EYS: variants seen among roughly 807,000 people sequenced by gnomAD.
EYS encodes the protein EGF-like photoreceptor maintenance factor, also known as protein eyes shut homolog.
Under a neutral mutation model 282.1 loss-of-function variants are expected in EYS, and 250 were observed. That is an observed-to-expected ratio of 0.89 (90% confidence interval 0.80 to 0.98). The LOEUF is 0.98. Among genes scored for constraint, EYS ranks in the 50% least tolerant of loss-of-function variants. The pLI is 0.00. For synonymous variants in EYS, 1,355 were observed against 1,282.9 expected (o/e 1.06, Z -1.20); for missense variants, 4,016 against 3,709.0 (o/e 1.08, Z -2.15).
chr6:64,559,210 A>T (rs1765323911), intron 26 of EYS, among the ~76,000 whole-genome samples: 1 of 151,758 alleles, frequency 6.6e-6, no homozygotes, highest in African/African-American at 2.4e-5. Flanking sequence ...TAACATTTGT[A>T]ATGACCATAA....
chr6:63,876,058 G>T (rs958668886), intron 35 of EYS, among the ~76,000 whole-genome samples: 2 of 152,092 alleles, frequency 1.3e-5, no homozygotes, highest in African/African-American at 4.8e-5. Flanking sequence ...TTTTAATTGT[G>T]TTGTTAGGGT....
chr6:64,159,124 A>G (rs1775022086), intron 31 of EYS, among the ~76,000 whole-genome samples: 2 of 152,202 alleles, frequency 1.3e-5, no homozygotes, highest in South Asian at 2.1e-4. Context: ...AGTCCCTGAT[A>G]TAAAATGGCA....
At chr6:64,189,378 G>A (rs1453841436) in intron 31 of EYS, among the ~76,000 whole-genome samples, 2 of 152,034 alleles carry the variant, frequency 1.3e-5, no homozygotes, top group African/African-American at 4.8e-5. Flanking sequence ...ATCAAAAGAA[G>A]AATAACGTTT....
At chr6:64,285,434 A>T (rs1008995422) in intron 30 of EYS, among the ~76,000 whole-genome samples, 1 of 152,192 alleles carries the variant, frequency 6.6e-6, no homozygotes, top group African/African-American at 2.4e-5. Context: ...CCTCATCTCC[A>T]TCTGAGACCA....
intron 19 of EYS, among the ~76,000 whole-genome samples, chr6:64,875,639 A>G (rs1309665977): frequency 6.6e-6 from 1 of 152,166 alleles, no homozygotes; most frequent in Non-Finnish European, 1.5e-5. Flanking sequence ...CTGAACAACT[A>G]GGAATAACAA....
intron 31 of EYS, among the ~76,000 whole-genome samples, chr6:64,127,521 T>C (rs1286890912): frequency 1.3e-5 from 2 of 152,196 alleles, no homozygotes; most frequent in African/African-American, 4.8e-5. Context: ...GTTTATATTG[T>C]GTTCAAAATG....
chr6:65,388,022 T>C (rs1765866829), intron 7 of EYS, among the ~76,000 whole-genome samples: 1 of 152,008 alleles, frequency 6.6e-6, no homozygotes, highest in Admixed American at 6.6e-5. Context: ...TGCAATACTA[T>C]TGCATGCTTA....
chr6:64,971,355 G>A (rs1770287374), intron 14 of EYS, among the ~76,000 whole-genome samples: 1 of 151,786 alleles, frequency 6.6e-6, no homozygotes, highest in African/African-American at 2.4e-5. Flanking sequence ...TGAGCATCGG[G>A]ACTTAAGGCG....
chr6:64,077,054 A>G (rs1164661243), intron 32 of EYS, among the ~76,000 whole-genome samples: 1 of 151,976 alleles, frequency 6.6e-6, no homozygotes, highest in East Asian at 1.9e-4. Context: ...CATAAAAAAG[A>G]TGAAATACAA....
chr6:63,887,585 G>A (rs547938860), intron 35 of EYS, among the ~76,000 whole-genome samples: 119 of 152,278 alleles, frequency 7.8e-4, no homozygotes, highest in Admixed American at 7.3e-3. Context: ...GCCAAGGGAA[G>A]CCCTGAGGGA....
At chr6:64,917,441 A>G (rs1768201655) in intron 15 of EYS, among the ~76,000 whole-genome samples, 1 of 152,160 alleles carries the variant, frequency 6.6e-6, no homozygotes, top group African/African-American at 2.4e-5. Flanking sequence ...CTCTAAATTT[A>G]TTAATACAAA....
At chr6:64,133,059 T>G (rs1250160981) in intron 31 of EYS, among the ~76,000 whole-genome samples, 1 of 152,044 alleles carries the variant, frequency 6.6e-6, no homozygotes, top group East Asian at 1.9e-4. Context: ...CTAAATCCTA[T>G]AAATGTTTCA....
At chr6:64,847,854 T>C (rs964984673) in intron 19 of EYS, among the ~76,000 whole-genome samples, 1 of 152,086 alleles carries the variant, frequency 6.6e-6, no homozygotes, top group East Asian at 1.9e-4. Flanking sequence ...GAACAATTTG[T>C]AGAGTGGAAC....
rs566160803 is a variant in EYS at position 65,548,821 on chromosome 6, C to A, written c.-332-52828G>T. On this transcript the variant is annotated intron_variant, in intron 2 of 42. Coordinates refer to ENST00000503581, the MANE Select transcript of EYS (RefSeq NM_001142800.2). ...ACACAGACAATTCAACTCAAACTTG[C>A]TCAAAGACTAACTCAGTTTTATGCC... is the stretch of plus-strand genomic sequence containing the variant. 1.1e-4 allele frequency among the ~76,000 whole-genome samples: 16 copies of A among 152,262 alleles called. 1 individual carries two copies. The South Asian group carries it at 3.3e-3, about 32-fold the overall frequency.
At chr6:64,235,966 C>A (rs550050965) in intron 30 of EYS, among the ~76,000 whole-genome samples, 69 of 152,324 alleles carry the variant, frequency 4.5e-4, no homozygotes, top group Non-Finnish European at 7.8e-4. Context: ...CTCCCTAACT[C>A]ATTTTATGAG....
chr6:64,582,011 A>G (rs952497151), intron 26 of EYS, among the ~76,000 whole-genome samples: 4 of 152,308 alleles, frequency 2.6e-5, no homozygotes, highest in Non-Finnish European at 5.9e-5. Flanking sequence ...CAAACTGAGA[A>G]TTGTCAAAAT....
intron 2 of EYS, among the ~76,000 whole-genome samples, chr6:65,528,934 C>T (rs961959589): frequency 2.0e-5 from 3 of 152,030 alleles, no homozygotes; most frequent in Non-Finnish European, 4.4e-5. Context: ...AAGTCTTTTG[C>T]AAATTTTCAG....
chr6:63,970,966 T>C (rs935212056), intron 35 of EYS, among the ~76,000 whole-genome samples: 1 of 152,190 alleles, frequency 6.6e-6, no homozygotes, highest in Non-Finnish European at 1.5e-5. Flanking sequence ...CAACAGTAAT[T>C]TAAAGAACGT....
chr6:65,405,453 A>AG, intron 5 of EYS, 86 bp from the exon 6 acceptor site: 2 of 1,059,492 alleles, frequency 1.9e-6, no homozygotes, highest in Non-Finnish European at 2.9e-6. Context: ...AACATTCTAG[A>AG]AAATTTCTCT....
Sources: allele counts gnomAD v4.1 joint callset (sites outside exome capture counted in the v4.1 genomes callset), GRCh38; gene constraint gnomAD v4.1.1; transcripts MANE v1.5; gene names NCBI Gene and HGNC (gene_info 2026-07-23, HGNC 2026-07-21).